Variants in COPRS observed in about 807,000 individuals in gnomAD.
The protein encoded by COPRS is coordinator of PRMT5 and differentiation stimulator.
A neutral mutation model predicts 19.9 loss-of-function variants in COPRS; 11 were observed. The ratio of observed to expected loss-of-function variants is 0.55; its 90% CI spans 0.35 to 0.92. The LOEUF (loss-of-function observed/expected upper bound fraction) is 0.92. Among genes scored for constraint, COPRS ranks in the 40% least tolerant of loss-of-function variants. The pLI is 0.01. For synonymous variants in COPRS, 81 were observed against 82.7 expected, an observed-to-expected ratio of 0.98 and a Z score of 0.11; for missense variants, 225 against 229.9, an observed-to-expected ratio of 0.98 and a Z score of 0.14.
chr17:31,857,443 TTC>T (rs1304588332), intron 1 of COPRS, among the ~76,000 whole-genome samples: 6 of 152,228 alleles, frequency 3.9e-5, no homozygotes, highest in Admixed American at 1.3e-4. Context: ...CTCTATCAAA[TTC>T]TCTGTTTCCT....
chr17:31,857,998 C>T (rs895159577), intron 1 of COPRS, among the ~76,000 whole-genome samples: 9 of 152,156 alleles, frequency 5.9e-5, no homozygotes, highest in African/African-American at 2.2e-4. Context: ...GAAGTCAGAC[C>T]TCTCACCTAA....
chr17:31,854,078 A>G (rs1452251248), intron 2 of COPRS, among the ~76,000 whole-genome samples: 1 of 152,184 alleles, frequency 6.6e-6, no homozygotes, highest in Middle Eastern at 3.2e-3. Flanking sequence ...ATTACCAAAC[A>G]TCGGACTGGG....
chr17:31,852,362 G>A lies in COPRS; in HGVS notation c.386-54C>T. ...GGGAAGGAAGGAGGGAAGGAAGGAA[G>A]GTAAAAACGGACAGCCAAAAAGGTA... On this transcript the variant is annotated intron_variant, in intron 3 of 3. Transcript: ENST00000302362. 2.8e-6 allele frequency: 4 copies of A among 1,436,064 alleles called. No homozygotes were observed. In the Admixed American group the frequency reaches 6.3e-5, roughly 23 times the overall value. The allele number at this position is 1,436,064 out of a possible 1,614,324, so 89.0% of individuals were successfully genotyped here. A position where few individuals can be genotyped will look rare whatever the true frequency, so the allele number is the denominator to read the frequency against.
In COPRS at chr17:31,859,109, T is replaced by C. The variant is rs1567771045; in HGVS notation, c.91A>G (p.Ser31Gly). The change falls in exon 1 of 4, where the codon AGC becomes GGC. Residue 31 changes from serine to glycine, a missense_variant. Ser to Gly is a moderately conservative substitution (Grantham distance 56, BLOSUM62 0). Around this residue, in one of 3 missense-constraint regions of COPRS, gnomAD observed 51 missense variants for 39.2 expected, o/e 1.30. Coordinates refer to ENST00000302362, the MANE Select transcript of COPRS (RefSeq NM_018405.4). ...CCCCACGCGGCGCTCACCTCCGGGC[T>C]GGGGGGCGCCCCCCGCGCGCTAGGC... ...PLPSARGAPP[S>G]PEAGFATADH... The C allele has an allele frequency of 9.1e-7, 1 of 1,093,002 alleles. No homozygotes were observed. The highest frequency in any genetic ancestry group is 4.1e-5 in the South Asian group (1 of 24,142). The allele number at this position is 1,093,002 out of a possible 1,614,324, so 67.7% of individuals were successfully genotyped here.
Position 31,852,242 on chromosome 17 carries a change from C to T in COPRS, c.452G>A (p.Gly151Glu). ...LKPWVCCAPQ[G>E]DMIYDPSWHH... ...CCAGCTGGGGTCATAGATCATGTCT[C>T]CTTGTGGGGCACAGCACACCCAAGG... is the stretch of plus-strand genomic sequence containing the variant. Residue 151 changes from glycine (G) to glutamate (E), a missense_variant, in exon 4 of 4, where the codon GGA becomes GAA. Gly to Glu is a moderately conservative substitution (Grantham distance 98). This residue lies in a region of COPRS where 170 missense variants were observed against 171.4 expected (regional missense o/e 0.99). Transcript: ENST00000302362. 5.0e-6 allele frequency: 8 copies of T among 1,614,028 alleles called. No individual in the cohort carries two copies. The highest frequency in any genetic ancestry group is 6.8e-6 in the Non-Finnish European group (8 of 1,179,976).
chr17:31,858,776 C>T (rs770046147), intron 1 of COPRS: 1 of 1,550,596 alleles, frequency 6.4e-7, no homozygotes, highest in Non-Finnish European at 8.7e-7. Flanking sequence ...CGCCCAGGCT[C>T]CTGGCAGCGG....
intron 2 of COPRS, 93 bp from the exon 3 acceptor site, chr17:31,853,123 G>A: frequency 1.2e-6 from 1 of 853,920 alleles, no homozygotes; most frequent in South Asian, 1.4e-5. Context: ...TACGAAGGTA[G>A]TAAAACAAGT....
At chr17:31,856,151 AT>A (rs1350246199) in intron 2 of COPRS, among the ~76,000 whole-genome samples, 2 of 152,110 alleles carry the variant, frequency 1.3e-5, no homozygotes, top group African/African-American at 4.8e-5. Flanking sequence ...CCTGGCCAAC[AT>A]AGTAAAACCC....
At chr17:31,854,028 C>CTA (rs777233345) in intron 2 of COPRS, among the ~76,000 whole-genome samples, 5 of 152,138 alleles carry the variant, frequency 3.3e-5, no homozygotes, top group African/African-American at 4.8e-5. Flanking sequence ...AGCAAGGGGT[C>CTA]TAAAGCCAGA....
At chr17:31,857,247 C>A (rs1184869751) in intron 1 of COPRS, among the ~76,000 whole-genome samples, 2 of 152,172 alleles carry the variant, frequency 1.3e-5, no homozygotes, top group East Asian at 3.8e-4. Context: ...TCAGCTGGGG[C>A]AGTGCCTTCT....
intron 1 of COPRS, 59 bp downstream of exon 1, chr17:31,859,042 G>T: frequency 8.6e-7 from 1 of 1,162,876 alleles, no homozygotes; most frequent in East Asian, 4.4e-5. Flanking sequence ...GCCCGGCCCC[G>T]CGACTTCCCG....
intron 1 of COPRS, 32 bp downstream of exon 1, chr17:31,859,069 G>A: frequency 2.6e-6 from 3 of 1,148,308 alleles, no homozygotes; most frequent in South Asian, 7.4e-5. Flanking sequence ...GCTGCGGCTG[G>A]CTGTTGCTCC....
chr17:31,854,355 C>CAAAA (rs34371712), intron 2 of COPRS, among the ~76,000 whole-genome samples: 1 of 46,430 alleles, frequency 2.2e-5, no homozygotes, highest in Non-Finnish European at 3.7e-5. Context: ...ACCCTGTCTC[C>CAAAA]AAAAAAAAAA....
intron 1 of COPRS, chr17:31,858,528 G>A: frequency 6.4e-6 from 3 of 465,298 alleles, no homozygotes; most frequent in Non-Finnish European, 8.5e-6. Flanking sequence ...ACAAGGACAG[G>A]TAAGAACTGT....
intron 3 of COPRS, 125 bp downstream of exon 3, chr17:31,852,687 G>A (rs1909200983): frequency 1.3e-6 from 1 of 752,498 alleles, no homozygotes; most frequent in African/African-American, 1.8e-5. Context: ...AGAAATTGGA[G>A]ACCTGTAACA....
intron 2 of COPRS, among the ~76,000 whole-genome samples, chr17:31,855,250 G>A (rs981888149): frequency 1.3e-5 from 2 of 152,070 alleles, no homozygotes; most frequent in South Asian, 2.1e-4. Flanking sequence ...AGTGGCTCAC[G>A]CCTGTAATCC....
chr17:31,858,673 G>A (rs1343244886), intron 1 of COPRS: 1 of 1,366,994 alleles, frequency 7.3e-7, no homozygotes, highest in Non-Finnish European at 1.0e-6. Context: ...TGTGACATCT[G>A]GGGCTCAGGG....
In COPRS at chr17:31,856,782, C is replaced by T. The variant is rs1429184814; in HGVS notation, c.166+17G>A. The T allele has an allele frequency of 1.3e-6, 2 of 1,537,976 alleles. No homozygotes were observed. Among genetic ancestry groups the T allele is most frequent in the South Asian group, 2.2e-5 (2 of 89,538 alleles). ...CATCCTTGGTCTCCCCAACTTCCGTCTCTGCCATCTACTTGCCTAGTCGAT... is the reference window on the plus strand; with the variant it reads ...CATCCTTGGTCTCCCCAACTTCCGTTTCTGCCATCTACTTGCCTAGTCGAT... On this transcript the variant is annotated intron_variant, in intron 2 of 3. Transcript: ENST00000302362.
At chr17:31,859,004 G>A in intron 1 of COPRS, 97 bp downstream of exon 1, 1 of 1,234,996 alleles carries the variant, frequency 8.1e-7, no homozygotes, top group Non-Finnish European at 1.0e-6. Context: ...GGCCAGAGGC[G>A]CTTCCCCGGC....
Sources: gnomAD v4.1 joint callset for allele counts (sites outside exome capture counted in the v4.1 genomes callset) on GRCh38, gnomAD v4.1.1 for gene constraint, gnomAD v4.1.1 regional missense constraint, MANE v1.5 for transcripts, NCBI Gene and HGNC (gene_info 2026-07-23, HGNC 2026-07-21) for gene names.